LOC102723971: variants seen among roughly 807,000 people sequenced by gnomAD.
the LOC102723971 span, among the ~76,000 whole-genome samples, chr9:135,618,510 C>T: frequency 1.6e-4 from 24 of 152,132 alleles, no homozygotes; most frequent in East Asian, 4.7e-3. Flanking sequence ...ATTGTCATTA[C>T]CTGATTTGTT....
chr9:135,614,743 G>A, the LOC102723971 span, among the ~76,000 whole-genome samples: 553 of 152,226 alleles, frequency 3.6e-3, 2 homozygotes, highest in African/African-American at 0.012. Flanking sequence ...TGGGTGACAC[G>A]AAGAGGCCAA....
chr9:135,617,508 G>T, the LOC102723971 span, among the ~76,000 whole-genome samples: 3 of 152,112 alleles, frequency 2.0e-5, no homozygotes, highest in Admixed American at 2.0e-4. Flanking sequence ...TCAGGGCAGA[G>T]GATCAGCCGG....
the LOC102723971 span, chr9:135,616,765 G>A: frequency 1.8e-5 from 7 of 398,294 alleles, no homozygotes; most frequent in South Asian, 1.3e-4. Context: ...AGGGGTTGTC[G>A]GCTTTGGGGG....
the LOC102723971 span, chr9:135,615,350 A>C: frequency 2.5e-6 from 1 of 398,460 alleles, no homozygotes. Flanking sequence ...GCCCCGGCCC[A>C]CACCCCTGCA....
the LOC102723971 span, chr9:135,616,654 G>A: frequency 2.5e-6 from 1 of 398,592 alleles, no homozygotes; most frequent in African/African-American, 2.1e-5. Flanking sequence ...CCAGTACCAA[G>A]GCTCATGTGA....
the LOC102723971 span, chr9:135,614,444 G>T: frequency 5.2e-6 from 2 of 387,158 alleles, no homozygotes; most frequent in Non-Finnish European, 9.1e-6. Flanking sequence ...AGACAGGGGG[G>T]TGCCGGGGTT....
At chr9:135,615,860 C>T in the LOC102723971 span, among the ~76,000 whole-genome samples, 6 of 152,230 alleles carry the variant, frequency 3.9e-5, no homozygotes, top group Non-Finnish European at 5.9e-5. Flanking sequence ...ACACCCCTTC[C>T]GGCCCCGATG....
chr9:135,616,514 A>T, the LOC102723971 span: 6 of 398,156 alleles, frequency 1.5e-5, no homozygotes, highest in Non-Finnish European at 2.7e-5. Context: ...TGAGAGGGCC[A>T]CCACGTCCTG....
the LOC102723971 span, chr9:135,616,526 G>C: frequency 2.5e-6 from 1 of 398,438 alleles, no homozygotes. Flanking sequence ...CACGTCCTGG[G>C]AAAGGGCAAC....
the LOC102723971 span, among the ~76,000 whole-genome samples, chr9:135,617,293 GA>G: frequency 6.6e-6 from 1 of 152,196 alleles, no homozygotes; most frequent in Non-Finnish European, 1.5e-5. Flanking sequence ...GCTGCACTGG[GA>G]GCTTGAATTA....
the LOC102723971 span, among the ~76,000 whole-genome samples, chr9:135,617,357 A>C: frequency 6.6e-6 from 1 of 152,156 alleles, no homozygotes. Context: ...TTATCAAGCA[A>C]TGTCTCGGGG....
the LOC102723971 span, among the ~76,000 whole-genome samples, chr9:135,614,662 C>T: frequency 6.6e-6 from 1 of 152,158 alleles, no homozygotes; most frequent in African/African-American, 2.4e-5. Flanking sequence ...AGAAACAGAG[C>T]GCCCAGACAC....
the LOC102723971 span, among the ~76,000 whole-genome samples, chr9:135,614,906 G>A: frequency 1.3e-5 from 2 of 152,164 alleles, no homozygotes; most frequent in East Asian, 3.9e-4. Context: ...GCTTGGACCA[G>A]GCAGAGGCAG....
At chr9:135,616,800 G>C in the LOC102723971 span, 1 of 398,506 alleles carries the variant, frequency 2.5e-6, no homozygotes, top group Non-Finnish European at 4.4e-6. Flanking sequence ...GAAGGAAGCT[G>C]TGCATCCTCT....
At chr9:135,616,781 C>T in the LOC102723971 span, 4 of 398,142 alleles carry the variant, frequency 1.0e-5, no homozygotes, top group Admixed American at 1.8e-4. Context: ...GGGGGAAGAC[C>T]GGGTGCTGGA....
the LOC102723971 span, chr9:135,618,042 A>G: frequency 1.3e-5 from 5 of 398,530 alleles, no homozygotes; most frequent in Non-Finnish European, 2.2e-5. Context: ...TTCAACATAG[A>G]TGGTGAGCAC....
At chr9:135,618,241 G>A in the LOC102723971 span, among the ~76,000 whole-genome samples, 96 of 152,180 alleles carry the variant, frequency 6.3e-4, no homozygotes, top group South Asian at 9.3e-3. Flanking sequence ...GTCCAATGCC[G>A]TCTCCACTCT....
chr9:135,619,532 C>G, the LOC102723971 span, among the ~76,000 whole-genome samples: 1 of 152,122 alleles, frequency 6.6e-6, no homozygotes, highest in Admixed American at 6.5e-5. Context: ...GCTCCGTGAG[C>G]AAACGCATAT....
chr9:135,614,427 G>T, the LOC102723971 span: 1 of 392,598 alleles, frequency 2.5e-6, no homozygotes, highest in Middle Eastern at 6.5e-4. Flanking sequence ...GGTGCAGGGG[G>T]TGGGGCAGAC....
Sources: allele counts gnomAD v4.1 joint callset (sites outside exome capture counted in the v4.1 genomes callset), GRCh38; gene constraint gnomAD v4.1.1; transcripts MANE v1.5.